The following EBAG9 variants were observed in gnomAD, a reference collection of about 807,000 sequenced individuals.
EBAG9 encodes the protein receptor-binding cancer antigen expressed on SiSo cells.
EBAG9 carries 16 observed loss-of-function variants against 30.9 expected under a neutral mutation model. The observed-to-expected ratio is 0.52, with a 90% CI of 0.35 to 0.79. EBAG9 has a LOEUF of 0.79. EBAG9 is among the 30% of genes least tolerant of loss of function. The pLI is 0.01. For missense variants in EBAG9, 197 were observed against 242.1 expected (o/e 0.81, Z 1.24); for synonymous variants, 93 against 82.8 (o/e 1.12, Z -0.67).
In EBAG9 at chr8:109,549,776, T is replaced by C. The variant is rs563842159; in HGVS notation, c.-15-1034T>C. The stretch of plus-strand genomic sequence containing the variant: ...ACACGTGTTTTAGATTGTTATGTAC[T>C]TTTTATTAATTGACCCCTTTATCAC... On this transcript the variant is annotated intron_variant, in intron 1 of 6. Coordinates refer to ENST00000337573, the MANE Select transcript of EBAG9 (RefSeq NM_004215.5). Among the ~76,000 whole-genome samples, 6 of 152,222 alleles carry C rather than the reference T, an allele frequency of 3.9e-5. No homozygotes were observed. The East Asian group carries it at 1.2e-3, about 29-fold the overall frequency.
chr8:109,548,880 C>CTTTTTTTT (rs1821437284), intron 1 of EBAG9, among the ~76,000 whole-genome samples: 1 of 136,452 alleles, frequency 7.3e-6, no homozygotes. Flanking sequence ...CTATTTTTTT[C>CTTTTTTTT]TTTTTTCTTT....
intron 6 of EBAG9, among the ~76,000 whole-genome samples, chr8:109,561,837 A>G (rs961863695): frequency 2.0e-5 from 3 of 150,248 alleles, no homozygotes; most frequent in Non-Finnish European, 4.4e-5. Flanking sequence ...CAGCTAAATA[A>G]CTGGGAATTT....
chr8:109,560,782 T>C (rs1821694422), intron 5 of EBAG9, 56 bp from the exon 6 acceptor site: 2 of 1,223,808 alleles, frequency 1.6e-6, no homozygotes, highest in East Asian at 2.4e-5. Context: ...TTTTAACGGC[T>C]ATGTGGAGAA....
At chr8:109,557,162 T>C in intron 5 of EBAG9, 120 bp downstream of exon 5, 1 of 541,526 alleles carries the variant, frequency 1.8e-6, no homozygotes, top group Middle Eastern at 5.3e-4. Flanking sequence ...TTGAAACAGG[T>C]TTAGCAGTTT....
intron 1 of EBAG9, among the ~76,000 whole-genome samples, chr8:109,541,277 G>C (rs186166465): frequency 6.6e-6 from 1 of 151,968 alleles, no homozygotes; most frequent in Non-Finnish European, 1.5e-5. Context: ...GTAAAGTAGC[G>C]TAAGATACTT....
intron 5 of EBAG9, among the ~76,000 whole-genome samples, chr8:109,559,078 T>C (rs1415777022): frequency 6.6e-6 from 1 of 152,164 alleles, no homozygotes; most frequent in East Asian, 1.9e-4. Context: ...TCAAATACTT[T>C]AGTGGAAGAA....
chr8:109,547,642 G>A (rs1037956381), intron 1 of EBAG9, among the ~76,000 whole-genome samples: 5 of 151,756 alleles, frequency 3.3e-5, no homozygotes, highest in African/African-American at 7.3e-5. Flanking sequence ...GACCATGCCC[G>A]GCTAATTTTT....
intron 5 of EBAG9, among the ~76,000 whole-genome samples, chr8:109,557,454 A>G (rs1821622494): frequency 6.6e-6 from 1 of 152,182 alleles, no homozygotes. Flanking sequence ...TTAAAGGAAA[A>G]ATTTATGAAA....
intron 1 of EBAG9, among the ~76,000 whole-genome samples, chr8:109,550,016 T>C (rs1207986353): frequency 6.6e-6 from 1 of 152,066 alleles, no homozygotes; most frequent in East Asian, 1.9e-4. Flanking sequence ...AATCTAACAA[T>C]CTCTGCTTTT....
At position 109,554,794 on chromosome 8, in the gene EBAG9, G is replaced by A. The variant is rs1163108612; in HGVS notation, c.228G>A (p.Gly76=). 2 of 1,613,678 alleles carry A rather than the reference G, an allele frequency of 1.2e-6. No individual in the cohort carries two copies. Among genetic ancestry groups the A allele is most frequent in the Non-Finnish European group, 1.7e-6 (2 of 1,179,834 alleles). Residue 76 remains glycine, a synonymous_variant, in exon 4 of 7, where the codon GGG becomes GGA. Transcript: ENST00000337573. ...DAPTSVKIEG[G]NGNVATQQNS... ...CCACCAGTGTAAAGATCGAAGGAGG[G>A]AATGGGAATGTGGCAACACAACAAA...
chr8:109,550,982 C>T lies in EBAG9; in HGVS notation c.83+75C>T, dbSNP rs1469550843. 12 of 939,886 alleles carry T rather than the reference C, an allele frequency of 1.3e-5. No homozygotes were observed. In the Admixed American group the frequency reaches 1.9e-4, roughly 15 times the overall value. The allele number at this position is 939,886 out of a possible 1,614,324, so 58.2% of individuals were successfully genotyped here. A position where few individuals can be genotyped will look rare whatever the true frequency, so the allele number is the denominator to read the frequency against. ...TGGATACCTTCAAAACTTCAAATTT[C>T]GTGGACAGGACAGGTTATATTTAAG... On this transcript the variant is annotated intron_variant, in intron 2 of 6. Transcript: ENST00000337573.
chr8:109,557,563 T>C (rs1280393939), intron 5 of EBAG9, among the ~76,000 whole-genome samples: 1 of 152,008 alleles, frequency 6.6e-6, no homozygotes, highest in Non-Finnish European at 1.5e-5. Context: ...CTACCTAAGC[T>C]TTAAGCATGC....
intron 4 of EBAG9, 149 bp downstream of exon 4, chr8:109,555,036 A>G (rs1586691672): frequency 2.6e-6 from 2 of 781,394 alleles, no homozygotes; most frequent in East Asian, 5.6e-5. Context: ...CACAACATGC[A>G]GGTTAGTTAC....
chr8:109,551,086 A>G (rs1432877599), intron 2 of EBAG9, among the ~76,000 whole-genome samples, 179 bp downstream of exon 2: 6 of 152,080 alleles, frequency 3.9e-5, no homozygotes, highest in Non-Finnish European at 8.8e-5. Context: ...AGATCTAGAA[A>G]ATAGAGGTTC....
intron 1 of EBAG9, among the ~76,000 whole-genome samples, chr8:109,543,353 A>T (rs1243797076): frequency 1.3e-5 from 2 of 151,944 alleles, no homozygotes; most frequent in East Asian, 3.9e-4. Flanking sequence ...TGACCCTAGA[A>T]ATAGAAAAGA....
At chr8:109,561,840 G>A (rs1821716225) in intron 6 of EBAG9, among the ~76,000 whole-genome samples, 1 of 149,330 alleles carries the variant, frequency 6.7e-6, no homozygotes, top group Admixed American at 6.7e-5. Context: ...CTAAATAACT[G>A]GGAATTTTGT....
Position 109,554,674 on chromosome 8 carries a change from A to G in EBAG9, c.163-55A>G. Reference sequence around the variant, plus strand: ...CCATTTTTCTAATAAATCATCAATGATGTGTTCATTAAGTTGCCCCTTTGT... The same window carrying G: ...CCATTTTTCTAATAAATCATCAATGGTGTGTTCATTAAGTTGCCCCTTTGT... On this transcript the variant is annotated intron_variant, in intron 3 of 6. Transcript: ENST00000337573. The G allele has an allele frequency of 3.2e-6, 5 of 1,542,750 alleles. No homozygotes were observed. In the South Asian group the frequency reaches 3.6e-5, roughly 11 times the overall value.
intron 1 of EBAG9, among the ~76,000 whole-genome samples, chr8:109,547,484 C>CT (rs781114077): frequency 0.037 from 5,157 of 140,462 alleles, 302 homozygotes; most frequent in African/African-American, 0.12. Context: ...TGTATATGTT[C>CT]TTTTTTTTTT....
intron 5 of EBAG9, among the ~76,000 whole-genome samples, chr8:109,558,973 G>C (rs911622613): frequency 2.6e-5 from 4 of 151,988 alleles, no homozygotes; most frequent in African/African-American, 9.7e-5. Flanking sequence ...TTTTACTAAG[G>C]CCATCTCTAC....
Sources: allele counts gnomAD v4.1 joint callset (sites outside exome capture counted in the v4.1 genomes callset), GRCh38; gene constraint gnomAD v4.1.1; transcripts MANE v1.5; gene names NCBI Gene and HGNC (gene_info 2026-07-23, HGNC 2026-07-21).